HERC2: variants seen among roughly 807,000 people sequenced by gnomAD.
HERC2 encodes E3 ubiquitin-protein ligase HERC2.
Under a neutral mutation model 537.7 loss-of-function variants are expected in HERC2, and 102 were observed. The ratio of observed to expected loss-of-function variants is 0.19; its 90% confidence interval spans 0.16 to 0.22. The LOEUF (loss-of-function observed/expected upper bound fraction) is 0.22. Among genes scored for constraint, HERC2 ranks in the 10% least tolerant of loss-of-function variants. The pLI, the probability that HERC2 is intolerant of heterozygous loss-of-function variation, is 1.00. For synonymous variants in HERC2, 2,224 were observed against 2,466.2 expected (o/e 0.90, Z 2.91); for missense variants, 4,236 against 6,198.2 (o/e 0.68, Z 10.63).
chr15:28,274,651 TAA>T (rs1169383158), intron 6 of HERC2, among the ~76,000 whole-genome samples: 7 of 152,194 alleles, frequency 4.6e-5, no homozygotes, highest in Non-Finnish European at 1.0e-4. Flanking sequence ...CTTCTAGAAT[TAA>T]GTCTGTACTC....
chr15:28,124,741 G>T (rs551241456), intron 84 of HERC2, among the ~76,000 whole-genome samples: 18 of 152,308 alleles, frequency 1.2e-4, no homozygotes, highest in African/African-American at 4.3e-4. Flanking sequence ...GTAGAGACAG[G>T]GTTTTGCTAT....
chr15:28,165,829 T>G (rs1199829728), intron 68 of HERC2, among the ~76,000 whole-genome samples: 1 of 151,980 alleles, frequency 6.6e-6, no homozygotes, highest in Non-Finnish European at 1.5e-5. Context: ...AACTGATGTA[T>G]GTACCTATTA....
rs143530683 is a variant in HERC2 at position 28,245,885 on chromosome 15, T to C, written c.3573A>G (p.Ile1191Met). The change falls in exon 23 of 93, where the codon ATA (isoleucine) becomes ATG (methionine). Residue 1191 changes from isoleucine (I) to methionine (M), a missense_variant. Around this residue, in one of 27 missense-constraint regions of HERC2, gnomAD observed 754 missense variants for 1,085.0 expected, o/e 0.69. Coordinates refer to ENST00000261609, the MANE Select transcript of HERC2 (RefSeq NM_004667.6). ...AACTCCTTTAAGACGCCGTACCCAT[T>C]ATGCCAGGCCAGGCTAACTCTTCAT... Reference protein sequence around the residue: ...DDHEELAWPGIMESFFTGQNC... With the variant: ...DDHEELAWPGMMESFFTGQNC... 3.7e-6 allele frequency: 6 copies of C among 1,613,868 alleles called. No homozygotes were observed. The highest frequency in any genetic ancestry group is 5.1e-6 in the Non-Finnish European group (6 of 1,179,908).
chr15:28,244,125 T>C (rs947081438), intron 23 of HERC2, among the ~76,000 whole-genome samples: 10 of 152,088 alleles, frequency 6.6e-5, no homozygotes, highest in African/African-American at 1.7e-4. Context: ...GATTGCACCA[T>C]TGCATTCCAG....
chr15:28,217,183 G>A (rs1900020586), intron 38 of HERC2, among the ~76,000 whole-genome samples: 1 of 151,994 alleles, frequency 6.6e-6, no homozygotes, highest in African/African-American at 2.4e-5. Flanking sequence ...CACTTACACT[G>A]GGTGTCTCAT....
chr15:28,141,494 G>C lies in HERC2; in HGVS notation c.11953C>G (p.Leu3985Val), dbSNP rs1891218881. Residue 3985 changes from leucine to valine, a missense_variant, in exon 78 of 93, where the codon CTC becomes GTC. Transcript: ENST00000261609. ...VPTPCEALAT[L>V]RPVQLIGGEQ... ...CCTCCGATTAACTGCACGGGTCTGA[G>C]AGTTGCAAGGGCTTCACAGGGAGTG... 2.5e-6 allele frequency: 4 copies of C among 1,614,168 alleles called. No individual in the cohort carries two copies. Among genetic ancestry groups the C allele is most frequent in the Middle Eastern group, 1.6e-4 (1 of 6,062 alleles).
chr15:28,236,406 T>C (rs1394906196), intron 26 of HERC2, among the ~76,000 whole-genome samples: 12 of 152,080 alleles, frequency 7.9e-5, no homozygotes, highest in Admixed American at 6.6e-4. Flanking sequence ...TTCTCCTACC[T>C]CAGCCTCCCG....
At chr15:28,171,135 A>C (rs923701359) in intron 65 of HERC2, among the ~76,000 whole-genome samples, 1 of 152,250 alleles carries the variant, frequency 6.6e-6, no homozygotes, top group African/African-American at 2.4e-5. Context: ...ATGCCAAAGA[A>C]ATAAGAACTT....
In HERC2 at chr15:28,228,140, A is replaced by G. The variant is rs112903633; in HGVS notation, c.5464+78T>C. On this transcript the variant is annotated intron_variant, in intron 35 of 92. Coordinates refer to ENST00000261609, the MANE Select transcript of HERC2 (RefSeq NM_004667.6). ...TTTACAAAAAGCTTTAAAAAAAAAA[A>G]AAAAGAAAAGAAAAGAAAAGAAATC... is the stretch of plus-strand genomic sequence containing the variant. 1,081 of 1,304,222 alleles carry G rather than the reference A, an allele frequency of 8.3e-4. 2 individuals are homozygous for G. Among genetic ancestry groups the G allele is most frequent in the Non-Finnish European group, 9.7e-4 (929 of 960,020 alleles). 80.8% of individuals were successfully genotyped at this position (1,304,222 alleles called of 1,614,324 possible).
rs1398845901 is a variant in HERC2 at position 28,222,110 on chromosome 15, G to A, written c.5570C>T (p.Pro1857Leu). 4 of 995,638 alleles carry A rather than the reference G, an allele frequency of 4.0e-6. No individual in the cohort carries two copies. The highest frequency in any genetic ancestry group is 6.5e-6 in the Non-Finnish European group (4 of 611,150). The allele number at this position is 995,638 out of a possible 1,614,324, so 61.7% of individuals were successfully genotyped here. ...GGCAGCCAGTTCTGGTCCTGAAACAGGGAGCTGCACAGGAGCCGTTTCCTT... is the reference window on the plus strand; with the variant it reads ...GGCAGCCAGTTCTGGTCCTGAAACAAGGAGCTGCACAGGAGCCGTTTCCTT... ...TRKETAPVQLPVSGPELAAMM... is the reference protein window; with the variant it reads ...TRKETAPVQLLVSGPELAAMM... Residue 1857 changes from proline (P) to leucine (L), a missense_variant, in exon 36 of 93, where the codon CCT becomes CTT. Coordinates refer to ENST00000261609, the MANE Select transcript of HERC2 (RefSeq NM_004667.6).
Position 28,268,350 on chromosome 15 carries a change from C to A in HERC2, c.1598+115G>T. The A allele has an allele frequency of 2.2e-6, 2 of 923,514 alleles. No individual in the cohort carries two copies. Among genetic ancestry groups the A allele is most frequent in the South Asian group, 3.4e-5 (2 of 59,536 alleles). 57.2% of individuals were successfully genotyped at this position (923,514 alleles called of 1,614,324 possible). On this transcript the variant is annotated intron_variant, in intron 12 of 92. Coordinates refer to ENST00000261609, the MANE Select transcript of HERC2 (RefSeq NM_004667.6). The surrounding 1 kb of genome is among the most constrained non-coding windows in gnomAD (Gnocchi z 4.7). ...ATCGTAGTGTCCTGCTCCATCCCAG[C>A]GCTACATGTCAGGGCAATTGGAAAA...
chr15:28,223,304 C>T (rs886068983), intron 35 of HERC2, among the ~76,000 whole-genome samples: 13 of 152,140 alleles, frequency 8.5e-5, no homozygotes, highest in African/African-American at 2.9e-4. Flanking sequence ...TCTGGTAACT[C>T]CCTTGATTTT....
At chr15:28,276,759 C>CA (rs142355405) in intron 5 of HERC2, among the ~76,000 whole-genome samples, 7,066 of 149,594 alleles carry the variant, frequency 0.047, 568 homozygotes, top group African/African-American at 0.17. Context: ...AAAACAAAAA[C>CA]AAAAAAAAAC....
chr15:28,296,689 T>A (rs2346042), intron 3 of HERC2, among the ~76,000 whole-genome samples: 94 of 115,000 alleles, frequency 8.2e-4, no homozygotes, highest in Non-Finnish European at 8.9e-4. Flanking sequence ...TACTGATACA[T>A]AAAAAAAAAA....
intron 56 of HERC2, 90 bp downstream of exon 56, chr15:28,186,487 G>C (rs976909911): frequency 2.2e-4 from 228 of 1,031,092 alleles, no homozygotes; most frequent in Non-Finnish European, 3.1e-4. Flanking sequence ...CTCAGTATGA[G>C]ACACATTCTA....
At chr15:28,284,269 CAGATA>C (rs2076097036) in intron 4 of HERC2, among the ~76,000 whole-genome samples, 1 of 151,814 alleles carries the variant, frequency 6.6e-6, no homozygotes, top group African/African-American at 2.4e-5. Context: ...TAAAACACTA[CAGATA>C]AAATAGAATG....
At chr15:28,200,405 CA>C (rs576850677) in intron 48 of HERC2, among the ~76,000 whole-genome samples, 10 of 145,654 alleles carry the variant, frequency 6.9e-5, no homozygotes, top group Admixed American at 6.8e-5. Context: ...AAAAAACAAA[CA>C]AAAAAAAAAG....
chr15:28,152,667 G>C lies in HERC2; in HGVS notation c.10900+10C>G. 6.5e-7 allele frequency: 1 copy of C among 1,541,582 alleles called. No individual in the cohort carries two copies. The highest frequency in any genetic ancestry group is 8.8e-7 in the Non-Finnish European group (1 of 1,140,884). Reference sequence around the variant, plus strand: ...AGGCTGCAGCTCCCCGCTGGGGCCAGCCCCTGTACCTGGTATCTTCACTGT... The same window carrying C: ...AGGCTGCAGCTCCCCGCTGGGGCCACCCCCTGTACCTGGTATCTTCACTGT... On this transcript the variant is annotated intron_variant, in intron 70 of 92. Coordinates refer to ENST00000261609, the MANE Select transcript of HERC2 (RefSeq NM_004667.6).
chr15:28,273,072 T>C, intron 7 of HERC2, 68 bp from the exon 8 acceptor site: 1 of 1,106,420 alleles, frequency 9.0e-7, no homozygotes, highest in African/African-American at 1.5e-5. Context: ...ACAATCACAC[T>C]AACACATTTA....
Sources: gnomAD v4.1 joint callset for allele counts (sites outside exome capture counted in the v4.1 genomes callset) on GRCh38, gnomAD v4.1.1 for gene constraint, gnomAD v4.1.1 regional missense constraint, Gnocchi (gnomAD v3.1) non-coding constraint, MANE v1.5 for transcripts, NCBI Gene and HGNC (gene_info 2026-07-23, HGNC 2026-07-21) for gene names.